Variants in ZNF804B observed in about 807,000 individuals in gnomAD.
ZNF804B encodes zinc finger protein 804B.
In ZNF804B, 80 loss-of-function variants were observed where a neutral mutation model predicts 101.4. The observed-to-expected ratio is 0.79, with a 90% CI of 0.66 to 0.95. The LOEUF (loss-of-function observed/expected upper bound fraction) is 0.95, where lower values mean the gene tolerates loss of function less well. Among genes scored for constraint, ZNF804B ranks in the 40% least tolerant of loss-of-function variants. The pLI is 0.00. For synonymous variants in ZNF804B, 622 were observed against 558.8 expected (o/e 1.11, Z -1.59); for missense variants, 1,673 against 1,561.9 (o/e 1.07, Z -1.20).
intron 1 of ZNF804B, among the ~76,000 whole-genome samples, chr7:89,178,776 A>G (rs1203473995): frequency 1.3e-5 from 2 of 152,058 alleles, no homozygotes; most frequent in African/African-American, 4.8e-5. Flanking sequence ...TTGCATTTAA[A>G]AGATTTCTTA....
intron 1 of ZNF804B, among the ~76,000 whole-genome samples, chr7:88,871,130 T>C (rs1259642189): frequency 6.6e-6 from 1 of 152,146 alleles, no homozygotes; most frequent in East Asian, 1.9e-4. Context: ...AATAAATGAT[T>C]GATATGTTGA....
intron 2 of ZNF804B, among the ~76,000 whole-genome samples, chr7:89,315,591 A>C: frequency 6.6e-6 from 1 of 152,242 alleles, no homozygotes; most frequent in African/African-American, 2.4e-5. Context: ...TTTATATTAT[A>C]TACATTGATT....
intron 1 of ZNF804B, among the ~76,000 whole-genome samples, chr7:88,935,000 T>C (rs781165748): frequency 6.0e-5 from 9 of 151,216 alleles, no homozygotes; most frequent in African/African-American, 2.2e-4. Context: ...ACAGAGTGGG[T>C]AAAGAAAAGG....
chr7:88,978,902 T>A (rs1281102762), intron 1 of ZNF804B, among the ~76,000 whole-genome samples: 2 of 151,130 alleles, frequency 1.3e-5, no homozygotes, highest in Non-Finnish European at 3.0e-5. Flanking sequence ...TATGGTGGTA[T>A]TTTTAATTTC....
rs529768135 is a variant in ZNF804B, at chr7:89,138,350, C to T, written c.109-79805C>T. ...TTCAGCGTGACCTGGATGTGAGATA[C>T]GGAGTCAAAGGAGATCATTTTGCAG... On this transcript the variant is annotated intron_variant, in intron 1 of 3. Transcript: ENST00000333190. Among the ~76,000 whole-genome samples the T allele has an allele frequency of 4.6e-5, 7 of 152,152 alleles. No homozygotes were observed. In the South Asian group the frequency reaches 6.2e-4, roughly 14 times the overall value.
chr7:88,760,271 G>A (rs1789875567), intron 1 of ZNF804B, among the ~76,000 whole-genome samples, 187 bp downstream of exon 1: 1 of 152,218 alleles, frequency 6.6e-6, no homozygotes, highest in South Asian at 2.1e-4. Flanking sequence ...GACACAGAGA[G>A]GGGTGTGTAT....
chr7:88,877,022 ATATAAT>A (rs1210545743), intron 1 of ZNF804B, among the ~76,000 whole-genome samples: 154 of 69,276 alleles, frequency 2.2e-3, no homozygotes, highest in East Asian at 6.1e-3. Context: ...ATATATATAT[ATATAAT>A]ATATATATAT....
At chr7:88,827,897 C>T (rs990769574) in intron 1 of ZNF804B, among the ~76,000 whole-genome samples, 2 of 152,082 alleles carry the variant, frequency 1.3e-5, no homozygotes, top group African/African-American at 2.4e-5. Flanking sequence ...GAAACTGGAG[C>T]CTTTTCTAGT....
chr7:89,095,415 T>C (rs1789958120), intron 1 of ZNF804B, among the ~76,000 whole-genome samples: 1 of 152,212 alleles, frequency 6.6e-6, no homozygotes, highest in Non-Finnish European at 1.5e-5. Context: ...TCAGTTGTAG[T>C]ACACAAACTA....
chr7:89,217,973 T>C (rs1788922468), intron 1 of ZNF804B, among the ~76,000 whole-genome samples, 182 bp from the exon 2 acceptor site: 1 of 152,108 alleles, frequency 6.6e-6, no homozygotes, highest in Non-Finnish European at 1.5e-5. Flanking sequence ...GAAATCATGA[T>C]ATGTCAGTTG....
At chr7:89,301,440 C>T (rs930582157) in intron 2 of ZNF804B, among the ~76,000 whole-genome samples, 2 of 151,762 alleles carry the variant, frequency 1.3e-5, no homozygotes, top group East Asian at 3.9e-4. Context: ...CCTCAAGAAC[C>T]ATTTCAATTA....
intron 2 of ZNF804B, among the ~76,000 whole-genome samples, chr7:89,275,144 C>A (rs1789959798): frequency 6.6e-6 from 1 of 151,972 alleles, no homozygotes; most frequent in Non-Finnish European, 1.5e-5. Context: ...TTCTTCAAGT[C>A]TTTCCATTCC....
chr7:88,821,933 C>G (rs1790988384), intron 1 of ZNF804B, among the ~76,000 whole-genome samples: 2 of 152,206 alleles, frequency 1.3e-5, no homozygotes, highest in South Asian at 4.1e-4. Context: ...AATGCTGGAG[C>G]ACCATTGGCT....
At chr7:88,991,227 C>A (rs1793840508) in intron 1 of ZNF804B, among the ~76,000 whole-genome samples, 1 of 152,180 alleles carries the variant, frequency 6.6e-6, no homozygotes, top group Admixed American at 6.5e-5. Context: ...TGCTAGTCCT[C>A]ATGATGCTTT....
chr7:88,864,153 C>T (rs1056149387), intron 1 of ZNF804B, among the ~76,000 whole-genome samples: 7 of 152,100 alleles, frequency 4.6e-5, no homozygotes, highest in Admixed American at 6.6e-5. Context: ...AACATTTTCT[C>T]GTATTTGTTT....
chr7:88,877,033 ATATATATATATATATATTTTTTT>A, intron 1 of ZNF804B, among the ~76,000 whole-genome samples: 1 of 41,632 alleles, frequency 2.4e-5, no homozygotes, highest in African/African-American at 1.3e-4. Flanking sequence ...TATAATATAT[ATATATATATATATATATTTTTTT>A]TTTTTTTTTT....
chr7:88,913,576 A>G (rs962413048), intron 1 of ZNF804B, among the ~76,000 whole-genome samples: 7 of 151,954 alleles, frequency 4.6e-5, no homozygotes, highest in African/African-American at 7.2e-5. Context: ...TTTGTTTTTT[A>G]GTAGATATGG....
chr7:89,278,194 G>T (rs1318766629), intron 2 of ZNF804B, among the ~76,000 whole-genome samples: 2 of 150,442 alleles, frequency 1.3e-5, no homozygotes, highest in African/African-American at 2.4e-5. Flanking sequence ...TTTTGATGGG[G>T]TTGTTTGTTT....
intron 1 of ZNF804B, among the ~76,000 whole-genome samples, chr7:89,195,480 C>G: frequency 6.8e-6 from 1 of 146,366 alleles, no homozygotes; most frequent in Non-Finnish European, 1.5e-5. Context: ...TGATAAGCAA[C>G]TTCAGCAAAG....
Sources: gnomAD v4.1 joint callset for allele counts (sites outside exome capture counted in the v4.1 genomes callset) on GRCh38, gnomAD v4.1.1 for gene constraint, MANE v1.5 for transcripts, NCBI Gene and HGNC (gene_info 2026-07-23, HGNC 2026-07-21) for gene names.